NSG1: variants seen among roughly 807,000 people sequenced by gnomAD.
NSG1 encodes neuronal vesicle trafficking associated 1.
In NSG1, 9 loss-of-function variants were observed where a neutral mutation model predicts 19.3. The observed-to-expected ratio is 0.47, with a 90% CI of 0.28 to 0.81. NSG1 has a LOEUF of 0.81. Ranked by LOEUF, NSG1 falls within the 40% of genes least tolerant of loss-of-function variation. NSG1 has a pLI of 0.11. For synonymous variants in NSG1, 104 were observed against 107.0 expected (o/e 0.97, Z 0.17); for missense variants, 236 against 242.4 (o/e 0.97, Z 0.18).
intron 1 of NSG1, 43 bp from the exon 2 acceptor site, chr4:4,387,561 C>CCGGGGGGGGGGGTGGG: frequency 1.8e-6 from 2 of 1,141,990 alleles, no homozygotes; most frequent in Non-Finnish European, 2.5e-6. Flanking sequence ...CGCCCCGCCC[C>CCGGGGGGGGGGGTGGG]GGGTCTTGCT....
Position 4,409,689 on chromosome 4 carries a change from A to T in NSG1, c.357+6A>T. ...CCGATGGGTTCGTCCTCAAGGTAAA[A>T]CTCCGTTTTCCCCCAGAGGCCCTGG... On this transcript the variant is annotated splice_donor_region_variant and intron_variant, in intron 4 of 4. Transcript: ENST00000621129. 1 of 1,609,530 alleles carries T rather than the reference A, an allele frequency of 6.2e-7. No individual in the cohort carries two copies. The highest frequency in any genetic ancestry group is 8.5e-7 in the Non-Finnish European group (1 of 1,176,576).
At chr4:4,399,934 A>G (rs1310727884) in intron 3 of NSG1, among the ~76,000 whole-genome samples, 2 of 152,222 alleles carry the variant, frequency 1.3e-5, no homozygotes, top group African/African-American at 2.4e-5. Context: ...AGCTCAGGCA[A>G]TAATGCTTGC....
chr4:4,401,722 C>T (rs1723556498), intron 3 of NSG1, among the ~76,000 whole-genome samples: 1 of 152,218 alleles, frequency 6.6e-6, no homozygotes, highest in East Asian at 1.9e-4. Context: ...CCTGGGGATT[C>T]CAGTAAGAAG....
In NSG1 at chr4:4,387,658, A is replaced by G; in HGVS notation, c.29A>G (p.Glu10Gly). Residue 10 changes from glutamate (E) to glycine (G), a missense_variant, in exon 2 of 5, where the codon GAG (glutamate) becomes GGG (glycine). Physicochemically the swap from Glu to Gly is moderately conservative, Grantham distance 98. Transcript: ENST00000621129. ...GTGAAGTTGGGGAACAATTTCGCAGAGAAGGGCACCAAGCAGCCGCTGCTG... is the reference window on the plus strand; with the variant it reads ...GTGAAGTTGGGGAACAATTTCGCAGGGAAGGGCACCAAGCAGCCGCTGCTG... MVKLGNNFA[E>G]KGTKQPLLED... 1 of 1,613,240 alleles carries G rather than the reference A, an allele frequency of 6.2e-7. No homozygotes were observed. The highest frequency in any genetic ancestry group is 1.1e-5 in the South Asian group (1 of 91,062).
At position 4,397,039 on chromosome 4, in the gene NSG1, C is replaced by CTGTGTGTGTGTGTGTGTGTG. The variant is rs61613589; in HGVS notation, c.246+5450_246+5469dup. ...TCAGATACCACGTGGGTTCAGTCAT[C>CTGTGTGTGTGTGTGTGTGTG]TGTGTGTGTGTGTGTGTGTGTATGT... On this transcript the variant is annotated intron_variant, in intron 3 of 4. Transcript: ENST00000621129. 1.9e-4 allele frequency among the ~76,000 whole-genome samples: 29 copies of CTGTGTGTGTGTGTGTGTGTG among 150,144 alleles called. No individual in the cohort carries two copies. The East Asian group carries it at 5.4e-3, about 28-fold the overall frequency.
intron 3 of NSG1, among the ~76,000 whole-genome samples, chr4:4,394,908 T>C (rs889489724): frequency 1.3e-5 from 2 of 152,206 alleles, no homozygotes; most frequent in African/African-American, 4.8e-5. Flanking sequence ...TAACAGGTGA[T>C]GCCTGTCAGC....
At chr4:4,387,359 C>G (rs946593540) in intron 1 of NSG1, among the ~76,000 whole-genome samples, 186 bp downstream of exon 1, 2 of 152,166 alleles carry the variant, frequency 1.3e-5, no homozygotes, top group Non-Finnish European at 2.9e-5. Context: ...GCGCCCCCTT[C>G]CCTGGCCGCG....
intron 4 of NSG1, among the ~76,000 whole-genome samples, chr4:4,414,957 AAAAC>A (rs927197912): frequency 6.6e-6 from 1 of 151,590 alleles, no homozygotes; most frequent in Non-Finnish European, 1.5e-5. Flanking sequence ...CCTTTAAAAA[AAAAC>A]AACAACAACA....
chr4:4,404,465 C>T (rs538439812), intron 3 of NSG1, among the ~76,000 whole-genome samples: 15 of 152,302 alleles, frequency 9.8e-5, no homozygotes, highest in East Asian at 1.9e-4. Context: ...AGGGTCACTG[C>T]GTGTGGCCGA....
At chr4:4,410,306 C>T (rs976236246) in intron 4 of NSG1, among the ~76,000 whole-genome samples, 5 of 152,122 alleles carry the variant, frequency 3.3e-5, no homozygotes, top group East Asian at 1.9e-4. Flanking sequence ...TGCAAGGCAA[C>T]GGGATTAAAG....
rs1724652108 is a variant in NSG1, at chr4:4,417,637, A to G, written c.*202A>G. On this transcript the variant is annotated 3_prime_UTR_variant, in exon 5 of 5. Transcript: ENST00000621129. ...AATCAAGTGCATTTCAGCATTGCCT[A>G]AAGAGCTCTGACACCACTTTTCATG... 3 of 585,256 alleles carry G rather than the reference A, an allele frequency of 5.1e-6. No individual in the cohort carries two copies. The highest frequency in any genetic ancestry group is 2.9e-5 in the East Asian group (1 of 34,798). The allele number at this position is 585,256 out of a possible 1,614,324, so 36.3% of individuals were successfully genotyped here. A position where few individuals can be genotyped will look rare whatever the true frequency, so the allele number is the denominator to read the frequency against.
chr4:4,415,267 G>T (rs746679946), intron 4 of NSG1, among the ~76,000 whole-genome samples: 1 of 152,084 alleles, frequency 6.6e-6, no homozygotes, highest in African/African-American at 2.4e-5. Context: ...ACACACTTAC[G>T]TAGCTACCTC....
At position 4,411,091 on chromosome 4, in the gene NSG1, G is replaced by T. The variant is rs367669933; in HGVS notation, c.357+1408G>T. On this transcript the variant is annotated intron_variant, in intron 4 of 4. Coordinates refer to ENST00000621129, the MANE Select transcript of NSG1 (RefSeq NM_014392.5). ...GGCCGGTCTCGAACTCCTGACCTCA[G>T]GTGATCCACCCACCTCGGCCTCCCA... 1.5e-4 allele frequency among the ~76,000 whole-genome samples: 23 copies of T among 152,214 alleles called. No homozygotes were observed. In the South Asian group the frequency reaches 4.6e-3, roughly 30 times the overall value.
chr4:4,392,016 A>C (rs1002478367), intron 3 of NSG1, among the ~76,000 whole-genome samples: 1 of 152,188 alleles, frequency 6.6e-6, no homozygotes, highest in Non-Finnish European at 1.5e-5. Flanking sequence ...CATCTGAGCA[A>C]CCCTCCTGGC....
intron 3 of NSG1, among the ~76,000 whole-genome samples, chr4:4,404,385 C>T (rs1384759986): frequency 6.6e-6 from 1 of 152,250 alleles, no homozygotes; most frequent in East Asian, 1.9e-4. Flanking sequence ...CACACCCCAT[C>T]ATAGACGCAG....
At position 4,418,058 on chromosome 4, in the gene NSG1, G is replaced by C. The variant is rs1303175616; in HGVS notation, c.*623G>C. The C allele has an allele frequency of 6.4e-6, 1 of 155,274 alleles. No individual in the cohort carries two copies. Among genetic ancestry groups the C allele is most frequent in the Non-Finnish European group, 1.4e-5 (1 of 70,256 alleles). 9.6% of individuals were successfully genotyped at this position (155,274 alleles called of 1,614,324 possible). On this transcript the variant is annotated 3_prime_UTR_variant, in exon 5 of 5. Transcript: ENST00000621129. ...GACTACTCCCTCCCCTCTGACTCTGGCATCTTGGTAAGGAGGGAGGGGCAC... is the reference window on the plus strand; with the variant it reads ...GACTACTCCCTCCCCTCTGACTCTGCCATCTTGGTAAGGAGGGAGGGGCAC...
chr4:4,406,979 T>G (rs1342682849), intron 3 of NSG1, among the ~76,000 whole-genome samples: 3 of 152,240 alleles, frequency 2.0e-5, no homozygotes, highest in Non-Finnish European at 2.9e-5. Context: ...CTCTGCGCTC[T>G]GCTGCCCTGG....
At chr4:4,410,773 T>G (rs1227344987) in intron 4 of NSG1, among the ~76,000 whole-genome samples, 1 of 152,140 alleles carries the variant, frequency 6.6e-6, no homozygotes, top group African/African-American at 2.4e-5. Flanking sequence ...GAGTGAGCGC[T>G]GGACATGTGG....
intron 3 of NSG1, among the ~76,000 whole-genome samples, chr4:4,404,796 C>T (rs547749908): frequency 6.6e-5 from 10 of 152,270 alleles, no homozygotes; most frequent in African/African-American, 2.2e-4. Flanking sequence ...AAAAGAGATG[C>T]TGGGCTCCTT....
Sources: allele counts gnomAD v4.1 joint callset (sites outside exome capture counted in the v4.1 genomes callset), GRCh38; gene constraint gnomAD v4.1.1; transcripts MANE v1.5; gene names NCBI Gene and HGNC (gene_info 2026-07-23, HGNC 2026-07-21).